The following GSPT1 variants were observed in gnomAD, a reference collection of about 807,000 sequenced individuals.
GSPT1 encodes G1 to S phase transition 1, also known as eukaryotic peptide chain release factor GTP-binding subunit ERF3A.
GSPT1 carries 20 observed loss-of-function variants against 72.5 expected under a neutral mutation model. The observed-to-expected ratio is 0.28, with a 90% CI of 0.19 to 0.40. The LOEUF (loss-of-function observed/expected upper bound fraction) is 0.40, where lower values mean the gene tolerates loss of function less well. Among genes scored for constraint, GSPT1 ranks in the 10% least tolerant of loss-of-function variants. GSPT1 has a pLI of 1.00. For synonymous variants in GSPT1, 334 were observed against 293.5 expected (o/e 1.14, Z -1.41); for missense variants, 580 against 811.9 (o/e 0.71, Z 3.47).
At chr16:11,887,419 AAG>A in intron 7 of GSPT1, 149 bp downstream of exon 7, 2 of 628,724 alleles carry the variant, frequency 3.2e-6, no homozygotes, top group Non-Finnish European at 5.5e-6. Context: ...AGATTTCTTG[AAG>A]AGAGATTAGT....
chr16:11,899,423 C>G (rs1309299138), intron 1 of GSPT1, among the ~76,000 whole-genome samples: 2 of 152,036 alleles, frequency 1.3e-5, no homozygotes, highest in African/African-American at 2.4e-5. Flanking sequence ...CAAGACCCCA[C>G]AGGCAGGAAG....
At position 11,915,543 on chromosome 16, in the gene GSPT1, T is replaced by A; in HGVS notation, c.178A>T (p.Asn60Tyr). Residue 60 changes from asparagine to tyrosine, a missense_variant, in exon 1 of 15, where the codon AAC becomes TAC. This residue lies in a region of GSPT1 where 327 missense variants were observed against 298.8 expected (regional missense o/e 1.09). Coordinates refer to ENST00000434724, the MANE Select transcript of GSPT1 (RefSeq NM_002094.4). ...TGCCGGCTGAAGGCCGCGCTGAGGT[T>A]CTCCCGCTGGGCCTCGGCCGCCGCC... ...LAAAAEAQRE[N>Y]LSAAFSRQLN... The A allele has an allele frequency of 6.6e-7, 1 of 1,504,216 alleles. No homozygotes were observed. Among genetic ancestry groups the A allele is most frequent in the Non-Finnish European group, 8.9e-7 (1 of 1,127,036 alleles). 93.2% of individuals were successfully genotyped at this position (1,504,216 alleles called of 1,614,324 possible).
intron 1 of GSPT1, among the ~76,000 whole-genome samples, chr16:11,907,687 A>G (rs1310289406): frequency 6.6e-6 from 1 of 152,168 alleles, no homozygotes; most frequent in Non-Finnish European, 1.5e-5. Flanking sequence ...TCTAGACTCA[A>G]TGGTGTCATT....
intron 11 of GSPT1, chr16:11,881,162 TG>T (rs2054117519): frequency 6.6e-6 from 1 of 152,398 alleles, no homozygotes; most frequent in Admixed American, 6.5e-5. Context: ...CCTCCCAAAG[TG>T]CTGGGATTAC....
chr16:11,892,040 G>T (rs1398522857), intron 5 of GSPT1, among the ~76,000 whole-genome samples: 1 of 152,000 alleles, frequency 6.6e-6, no homozygotes, highest in Non-Finnish European at 1.5e-5. Context: ...GATATTTACA[G>T]TCTCGAATTA....
chr16:11,915,442 C>T lies in GSPT1; in HGVS notation c.279G>A (p.Pro93=), dbSNP rs373939888. Residue 93 remains proline (P), a synonymous_variant, in exon 1 of 15, where the codon CCG becomes CCA. Transcript: ENST00000434724. ...CGCCAACTGGGGGTGGCGGCGCTGC[C>T]GGGCCCCGCAGGAAGGACGGCACGA... The part of the protein sequence containing the change: ...AEFVPSFLRG[P]AAPPPPVGGA... 2.5e-5 allele frequency: 39 copies of T among 1,530,072 alleles called. 1 individual carries two copies. The highest frequency in any genetic ancestry group is 1.1e-4 in the South Asian group (9 of 82,502). The allele number at this position is 1,530,072 out of a possible 1,614,324, so 94.8% of individuals were successfully genotyped here.
Position 11,915,615 on chromosome 16 carries a change from T to C in GSPT1, c.106A>G (p.Met36Val). ...CAAGGGCCCGGCCCGGGGGCTTCCA[T>C]GTCCGCCTGGTCCCAGCAGTCAGGC... ...SAPDCWDQAD[M>V]EAPGPGPCGG... The change falls in exon 1 of 15, where the codon ATG (methionine) becomes GTG (valine). Residue 36 changes from methionine (M) to valine (V), a missense_variant. Physicochemically the swap from Met to Val is conservative, Grantham distance 21 (BLOSUM62 1). This residue lies in a region of GSPT1 where 327 missense variants were observed against 298.8 expected (regional missense o/e 1.09). Transcript: ENST00000434724. 1.3e-6 allele frequency: 2 copies of C among 1,491,360 alleles called. No individual in the cohort carries two copies. Among genetic ancestry groups the C allele is most frequent in the Middle Eastern group, 3.8e-4 (2 of 5,314 alleles). The allele number at this position is 1,491,360 out of a possible 1,614,324, so 92.4% of individuals were successfully genotyped here.
chr16:11,888,109 C>T (rs936031704), intron 6 of GSPT1, among the ~76,000 whole-genome samples: 1 of 152,008 alleles, frequency 6.6e-6, no homozygotes, highest in South Asian at 2.1e-4. Flanking sequence ...GAGCCAAGAC[C>T]GTGCCATTGC....
At chr16:11,902,338 C>T (rs1296254113) in intron 1 of GSPT1, among the ~76,000 whole-genome samples, 3 of 145,016 alleles carry the variant, frequency 2.1e-5, no homozygotes, top group Admixed American at 7.1e-5. Context: ...GCCGAGATCG[C>T]ACCACTGCAC....
chr16:11,891,724 G>A (rs1247504178), intron 5 of GSPT1, among the ~76,000 whole-genome samples: 2 of 142,310 alleles, frequency 1.4e-5, no homozygotes, highest in African/African-American at 5.3e-5. Context: ...GTGCAGTGGC[G>A]TGATCTCAGC....
intron 11 of GSPT1, among the ~76,000 whole-genome samples, chr16:11,878,423 C>T (rs1005625545): frequency 3.9e-5 from 6 of 151,904 alleles, no homozygotes; most frequent in African/African-American, 7.3e-5. Flanking sequence ...GGCCTAAACT[C>T]TTTGTTTCTA....
intron 1 of GSPT1, among the ~76,000 whole-genome samples, chr16:11,909,823 G>A (rs1339224496): frequency 6.6e-6 from 1 of 152,164 alleles, no homozygotes; most frequent in Non-Finnish European, 1.5e-5. Context: ...TACTTGGGAA[G>A]CTGAGGCAGA....
At chr16:11,883,619 CAAA>C (rs34315327) in intron 10 of GSPT1, among the ~76,000 whole-genome samples, 4 of 137,996 alleles carry the variant, frequency 2.9e-5, no homozygotes, top group Non-Finnish European at 3.2e-5. Context: ...GACTCTGTCT[CAAA>C]AAAAAAAAAA....
chr16:11,886,673 T>C, intron 8 of GSPT1, 62 bp from the exon 9 acceptor site: 1 of 1,553,148 alleles, frequency 6.4e-7, no homozygotes, highest in Non-Finnish European at 8.9e-7. Context: ...TCTAGTTTCC[T>C]AAGTAAACAG....
chr16:11,896,788 G>A lies in GSPT1; in HGVS notation c.437-3C>T. The A allele has an allele frequency of 6.6e-7, 1 of 1,524,596 alleles. No homozygotes were observed. The highest frequency in any genetic ancestry group is 9.0e-7 in the Non-Finnish European group (1 of 1,115,576). The allele number at this position is 1,524,596 out of a possible 1,614,324, so 94.4% of individuals were successfully genotyped here. A position where few individuals can be genotyped will look rare whatever the true frequency, so the allele number is the denominator to read the frequency against. On this transcript the variant is annotated splice_polypyrimidine_tract_variant and splice_region_variant and intron_variant, in intron 3 of 14. Coordinates refer to ENST00000434724, the MANE Select transcript of GSPT1 (RefSeq NM_002094.4). ...CATTTCTGTCTCTCCATTTTCTACT[G>A]AAGAAAGACATTTTAACTTAGTATT... is the stretch of plus-strand genomic sequence containing the variant.
intron 5 of GSPT1, 25 bp from the exon 6 acceptor site, chr16:11,891,164 A>C: frequency 8.0e-7 from 1 of 1,244,832 alleles, no homozygotes; most frequent in Non-Finnish European, 1.1e-6. Flanking sequence ...AGAAAAAAAA[A>C]AGTAAACAAT....
At chr16:11,900,725 G>T (rs2054395576) in intron 1 of GSPT1, among the ~76,000 whole-genome samples, 1 of 152,186 alleles carries the variant, frequency 6.6e-6, no homozygotes, top group African/African-American at 2.4e-5. Context: ...GACGGGTGTG[G>T]TGGGCTTCCT....
rs904917334 is a variant in GSPT1, at chr16:11,869,514, G to C, written c.*3605C>G. 1 of 152,206 alleles carries C rather than the reference G, an allele frequency of 6.6e-6. No individual in the cohort carries two copies. The highest frequency in any genetic ancestry group is 2.4e-5 in the African/African-American group (1 of 41,464). 9.4% of individuals were successfully genotyped at this position (152,206 alleles called of 1,614,324 possible). A position where few individuals can be genotyped will look rare whatever the true frequency, so the allele number is the denominator to read the frequency against. On this transcript the variant is annotated 3_prime_UTR_variant, in exon 15 of 15. Coordinates refer to ENST00000434724, the MANE Select transcript of GSPT1 (RefSeq NM_002094.4). ...CAGTTTGATAAGGTAAGCCAACAATGAATATAACATTTAACCATCCTAAAA... is the reference window on the plus strand; with the variant it reads ...CAGTTTGATAAGGTAAGCCAACAATCAATATAACATTTAACCATCCTAAAA...
intron 1 of GSPT1, among the ~76,000 whole-genome samples, chr16:11,905,127 GGT>G (rs2054472750): frequency 6.6e-6 from 1 of 152,078 alleles, no homozygotes; most frequent in Non-Finnish European, 1.5e-5. Context: ...TAGCCAAATG[GGT>G]GTTCATTAAA....
Sources: gnomAD v4.1 joint callset for allele counts (sites outside exome capture counted in the v4.1 genomes callset) on GRCh38, gnomAD v4.1.1 for gene constraint, gnomAD v4.1.1 regional missense constraint, MANE v1.5 for transcripts, NCBI Gene and HGNC (gene_info 2026-07-23, HGNC 2026-07-21) for gene names.